The following KRTAP22-1 variants were observed in gnomAD, a reference collection of about 807,000 sequenced individuals.
KRTAP22-1 encodes keratin-associated protein 22-1.
For missense variants in KRTAP22-1, 48 were observed against 56.7 expected, an observed-to-expected ratio of 0.85 and a Z score of 0.49; for synonymous variants, 19 against 21.5, an observed-to-expected ratio of 0.88 and a Z score of 0.33.
Position 30,601,329 on chromosome 21 carries a change from T to TTATTTATAATAATGATGA in KRTAP22-1, c.*63_*64insATTTATAATAATGATGAT. 1.3e-6 allele frequency: 2 copies of TTATTTATAATAATGATGA among 1,510,500 alleles called. No homozygotes were observed. Among genetic ancestry groups the TTATTTATAATAATGATGA allele is most frequent in the Non-Finnish European group, 1.8e-6 (2 of 1,115,834 alleles). The allele number at this position is 1,510,500 out of a possible 1,614,324, so 93.6% of individuals were successfully genotyped here. On this transcript the variant is annotated 3_prime_UTR_variant, in exon 1 of 1. Coordinates refer to ENST00000334680, the MANE Select transcript of KRTAP22-1 (RefSeq NM_181620.2). Reference sequence around the variant, plus strand: ...TTATGAGCTATGTTTTCTTCCCGTGTTTTTTTCTGTTCAAAGAGTGACAAC... The same window carrying TTATTTATAATAATGATGA: ...TTATGAGCTATGTTTTCTTCCCGTGTTATTTATAATAATGATGATTTTTTCTGTTCAAAGAGTGACAAC...
At position 30,601,367 on chromosome 21, in the gene KRTAP22-1, C is replaced by G; in HGVS notation, c.*100C>G. On this transcript the variant is annotated 3_prime_UTR_variant, in exon 1 of 1. Coordinates refer to ENST00000334680, the MANE Select transcript of KRTAP22-1 (RefSeq NM_181620.2). Reference sequence around the variant, plus strand: ...AAAGAGTGACAACTAAAATTTAGCCCACATTGCCAAGTCAGAATTTATTTG... The same window carrying G: ...AAAGAGTGACAACTAAAATTTAGCCGACATTGCCAAGTCAGAATTTATTTG... 1 of 1,135,666 alleles carries G rather than the reference C, an allele frequency of 8.8e-7. No homozygotes were observed. Among genetic ancestry groups the G allele is most frequent in the East Asian group, 2.4e-5 (1 of 41,278 alleles). 70.3% of individuals were successfully genotyped at this position (1,135,666 alleles called of 1,614,324 possible). A position where few individuals can be genotyped will look rare whatever the true frequency, so the allele number is the denominator to read the frequency against.
Position 30,601,154 on chromosome 21 carries a change from G to T in KRTAP22-1, c.34G>T (p.Gly12Cys). The T allele has an allele frequency of 1.9e-6, 3 of 1,614,174 alleles. No homozygotes were observed. The highest frequency in any genetic ancestry group is 2.5e-6 in the Non-Finnish European group (3 of 1,180,016). Residue 12 changes from glycine (G) to cysteine (C), a missense_variant, in exon 1 of 1, where the codon GGC (glycine) becomes TGC (cysteine). Coordinates refer to ENST00000334680, the MANE Select transcript of KRTAP22-1 (RefSeq NM_181620.2). Reference sequence around the variant, plus strand: ...TGATAACAACTACCATGGTGGCCAGGGCTATGCCAAAGGAGGCCTGGGCTG... The same window carrying T: ...TGATAACAACTACCATGGTGGCCAGTGCTATGCCAAAGGAGGCCTGGGCTG... ...SFDNNYHGGQ[G>C]YAKGGLGCSY...
rs951059501 is a variant in KRTAP22-1, at chr21:30,601,359, A to G, written c.*92A>G. The G allele has an allele frequency of 1.6e-6, 2 of 1,212,646 alleles. No homozygotes were observed. The highest frequency in any genetic ancestry group is 2.3e-6 in the Non-Finnish European group (2 of 875,952). 75.1% of individuals were successfully genotyped at this position (1,212,646 alleles called of 1,614,324 possible). A position where few individuals can be genotyped will look rare whatever the true frequency, so the allele number is the denominator to read the frequency against. On this transcript the variant is annotated 3_prime_UTR_variant, in exon 1 of 1. Coordinates refer to ENST00000334680, the MANE Select transcript of KRTAP22-1 (RefSeq NM_181620.2). ...TTCTGTTCAAAGAGTGACAACTAAA[A>G]TTTAGCCCACATTGCCAAGTCAGAA...
rs755553687 is a variant in KRTAP22-1 at position 30,601,295 on chromosome 21, G to C, written c.*28G>C. ...AATTAGAGATTGCTGATCTGTTTAG[G>C]CCATTCTCTTATGAGCTATGTTTTC... is the stretch of plus-strand genomic sequence containing the variant. On this transcript the variant is annotated 3_prime_UTR_variant, in exon 1 of 1. Coordinates refer to ENST00000334680, the MANE Select transcript of KRTAP22-1 (RefSeq NM_181620.2). 6.5e-7 allele frequency: 1 copy of C among 1,539,888 alleles called. No individual in the cohort carries two copies. Among genetic ancestry groups the C allele is most frequent in the African/African-American group, 1.4e-5 (1 of 73,602 alleles).
chr21:30,601,370 A>G lies in KRTAP22-1; in HGVS notation c.*103A>G, dbSNP rs1601082549. 1.7e-6 allele frequency: 2 copies of G among 1,160,226 alleles called. No individual in the cohort carries two copies. The highest frequency in any genetic ancestry group is 2.4e-6 in the Non-Finnish European group (2 of 819,034). 71.9% of individuals were successfully genotyped at this position (1,160,226 alleles called of 1,614,324 possible). A position where few individuals can be genotyped will look rare whatever the true frequency, so the allele number is the denominator to read the frequency against. Reference sequence around the variant, plus strand: ...GAGTGACAACTAAAATTTAGCCCACATTGCCAAGTCAGAATTTATTTGATC... The same window carrying G: ...GAGTGACAACTAAAATTTAGCCCACGTTGCCAAGTCAGAATTTATTTGATC... On this transcript the variant is annotated 3_prime_UTR_variant, in exon 1 of 1. Coordinates refer to ENST00000334680, the MANE Select transcript of KRTAP22-1 (RefSeq NM_181620.2).
rs1476566194 is a variant in KRTAP22-1, at chr21:30,601,314, T to A, written c.*47T>A. On this transcript the variant is annotated 3_prime_UTR_variant, in exon 1 of 1. Transcript: ENST00000334680. ...GTTTAGGCCATTCTCTTATGAGCTA[T>A]GTTTTCTTCCCGTGTTTTTTTCTGT... 6.6e-7 allele frequency: 1 copy of A among 1,519,356 alleles called. No individual in the cohort carries two copies. The highest frequency in any genetic ancestry group is 1.4e-5 in the African/African-American group (1 of 72,446). 94.1% of individuals were successfully genotyped at this position (1,519,356 alleles called of 1,614,324 possible). A position where few individuals can be genotyped will look rare whatever the true frequency, so the allele number is the denominator to read the frequency against.
In KRTAP22-1 at chr21:30,601,234, T is replaced by C. The variant is rs1331743531; in HGVS notation, c.114T>C (p.Cys38=). 6.2e-7 allele frequency: 1 copy of C among 1,614,110 alleles called. No individual in the cohort carries two copies. The highest frequency in any genetic ancestry group is 1.7e-5 in the Admixed American group (1 of 60,024). The change falls in exon 1 of 1, where the codon TGT becomes TGC. Residue 38 remains cysteine, a synonymous_variant. Transcript: ENST00000334680. ...GYGYACYCPW[C]YERSWFSGCF ...GCTATGCCTGCTACTGCCCATGGTG[T>C]TATGAAAGATCTTGGTTTTCTGGCT... is the stretch of plus-strand genomic sequence containing the variant.
rs760875244 is a variant in KRTAP22-1 at position 30,601,093 on chromosome 21, T to C, written c.-28T>C. On this transcript the variant is annotated 5_prime_UTR_variant, in exon 1 of 1. Coordinates refer to ENST00000334680, the MANE Select transcript of KRTAP22-1 (RefSeq NM_181620.2). ...AAAACTCTAGAATCTGATCCTGCTATACAACTGAGCCTACCTTTCTTGAAA... is the reference window on the plus strand; with the variant it reads ...AAAACTCTAGAATCTGATCCTGCTACACAACTGAGCCTACCTTTCTTGAAA... 6.2e-7 allele frequency: 1 copy of C among 1,613,512 alleles called. No homozygotes were observed. The highest frequency in any genetic ancestry group is 1.7e-5 in the Admixed American group (1 of 60,026).
chr21:30,601,244 T>G lies in KRTAP22-1; in HGVS notation c.124T>G (p.Ser42Ala), dbSNP rs1980338398. Residue 42 changes from serine to alanine, a missense_variant, in exon 1 of 1, where the codon TCT becomes GCT. Coordinates refer to ENST00000334680, the MANE Select transcript of KRTAP22-1 (RefSeq NM_181620.2). ...ACYCPWCYER[S>A]WFSGCF ...CTACTGCCCATGGTGTTATGAAAGA[T>G]CTTGGTTTTCTGGCTGCTTCTGAGA... 1.2e-6 allele frequency: 2 copies of G among 1,613,956 alleles called. No individual in the cohort carries two copies. Among genetic ancestry groups the G allele is most frequent in the Non-Finnish European group, 1.7e-6 (2 of 1,179,946 alleles).
rs1980331709 is a variant in KRTAP22-1 at position 30,601,094 on chromosome 21, A to G, written c.-27A>G. 1 of 1,613,588 alleles carries G rather than the reference A, an allele frequency of 6.2e-7. No homozygotes were observed. Among genetic ancestry groups the G allele is most frequent in the Non-Finnish European group, 8.5e-7 (1 of 1,179,464 alleles). On this transcript the variant is annotated 5_prime_UTR_variant, in exon 1 of 1. The change creates a new upstream start codon in the 5' untranslated region. Transcript: ENST00000334680. Reference sequence around the variant, plus strand: ...AAACTCTAGAATCTGATCCTGCTATACAACTGAGCCTACCTTTCTTGAAAC... The same window carrying G: ...AAACTCTAGAATCTGATCCTGCTATGCAACTGAGCCTACCTTTCTTGAAAC...
rs1980338398 is a variant in KRTAP22-1 at position 30,601,244 on chromosome 21, T to A, written c.124T>A (p.Ser42Thr). 4 of 1,614,074 alleles carry A rather than the reference T, an allele frequency of 2.5e-6. No homozygotes were observed. Among genetic ancestry groups the A allele is most frequent in the Non-Finnish European group, 3.4e-6 (4 of 1,179,938 alleles). The change falls in exon 1 of 1, where the codon TCT becomes ACT. Residue 42 changes from serine (S) to threonine (T), a missense_variant. Ser to Thr is a moderately conservative substitution (Grantham distance 58). Coordinates refer to ENST00000334680, the MANE Select transcript of KRTAP22-1 (RefSeq NM_181620.2). Reference protein sequence around the residue: ...ACYCPWCYERSWFSGCF With the variant: ...ACYCPWCYERTWFSGCF Reference sequence around the variant, plus strand: ...CTACTGCCCATGGTGTTATGAAAGATCTTGGTTTTCTGGCTGCTTCTGAGA... The same window carrying A: ...CTACTGCCCATGGTGTTATGAAAGAACTTGGTTTTCTGGCTGCTTCTGAGA...
rs375752079 is a variant in KRTAP22-1, at chr21:30,601,298, A to C, written c.*31A>C. The C allele has an allele frequency of 2.1e-6, 3 of 1,455,756 alleles. No homozygotes were observed. The highest frequency in any genetic ancestry group is 1.2e-5 in the South Asian group (1 of 82,994). 90.2% of individuals were successfully genotyped at this position (1,455,756 alleles called of 1,614,324 possible). ...TAGAGATTGCTGATCTGTTTAGGCC[A>C]TTCTCTTATGAGCTATGTTTTCTTC... On this transcript the variant is annotated 3_prime_UTR_variant, in exon 1 of 1. Transcript: ENST00000334680.
rs1217291225 is a variant in KRTAP22-1 at position 30,601,276 on chromosome 21, A to G, written c.*9A>G. On this transcript the variant is annotated 3_prime_UTR_variant, in exon 1 of 1. Transcript: ENST00000334680. ...TTTCTGGCTGCTTCTGAGAAATTAG[A>G]GATTGCTGATCTGTTTAGGCCATTC... 6.2e-7 allele frequency: 1 copy of G among 1,613,738 alleles called. No individual in the cohort carries two copies. Among genetic ancestry groups the G allele is most frequent in the South Asian group, 1.1e-5 (1 of 91,060 alleles).
In KRTAP22-1 at chr21:30,601,106, AC is replaced by A; in HGVS notation, c.-13del. ...CTGATCCTGCTATACAACTGAGCCTACCTTTCTTGAAACCATGAGCTTTGAT... is the reference window on the plus strand; with the variant it reads ...CTGATCCTGCTATACAACTGAGCCTACTTTCTTGAAACCATGAGCTTTGAT... On this transcript the variant is annotated 5_prime_UTR_variant, in exon 1 of 1. Transcript: ENST00000334680. 1 of 1,614,028 alleles carries A rather than the reference AC, an allele frequency of 6.2e-7. No homozygotes were observed. Among genetic ancestry groups the A allele is most frequent in the Non-Finnish European group, 8.5e-7 (1 of 1,179,878 alleles).
rs944322168 is a variant in KRTAP22-1, at chr21:30,601,325, C to T, written c.*58C>T. On this transcript the variant is annotated 3_prime_UTR_variant, in exon 1 of 1. Transcript: ENST00000334680. The stretch of plus-strand genomic sequence containing the variant: ...TCTCTTATGAGCTATGTTTTCTTCC[C>T]GTGTTTTTTTCTGTTCAAAGAGTGA... 5.1e-5 allele frequency: 46 copies of T among 894,214 alleles called. No individual in the cohort carries two copies. Among genetic ancestry groups the T allele is most frequent in the East Asian group, 1.0e-4 (3 of 28,816 alleles). 55.4% of individuals were successfully genotyped at this position (894,214 alleles called of 1,614,324 possible).
Position 30,601,323 on chromosome 21 carries a change from C to G in KRTAP22-1, c.*56C>G. ...ATTCTCTTATGAGCTATGTTTTCTT[C>G]CCGTGTTTTTTTCTGTTCAAAGAGT... On this transcript the variant is annotated 3_prime_UTR_variant, in exon 1 of 1. Transcript: ENST00000334680. The G allele has an allele frequency of 1.1e-6, 1 of 920,136 alleles. No homozygotes were observed. The highest frequency in any genetic ancestry group is 1.6e-6 in the Non-Finnish European group (1 of 641,490). 57.0% of individuals were successfully genotyped at this position (920,136 alleles called of 1,614,324 possible).
At position 30,601,368 on chromosome 21, in the gene KRTAP22-1, A is replaced by G; in HGVS notation, c.*101A>G. The G allele has an allele frequency of 8.5e-7, 1 of 1,183,352 alleles. No homozygotes were observed. The allele number at this position is 1,183,352 out of a possible 1,614,324, so 73.3% of individuals were successfully genotyped here. A position where few individuals can be genotyped will look rare whatever the true frequency, so the allele number is the denominator to read the frequency against. ...AAGAGTGACAACTAAAATTTAGCCC[A>G]CATTGCCAAGTCAGAATTTATTTGA... On this transcript the variant is annotated 3_prime_UTR_variant, in exon 1 of 1. Transcript: ENST00000334680.
At position 30,601,225 on chromosome 21, in the gene KRTAP22-1, C is replaced by T. The variant is rs1188023463; in HGVS notation, c.105C>T (p.Cys35=). The change falls in exon 1 of 1, where the codon TGC becomes TGT. Residue 35 remains cysteine, a synonymous_variant. Transcript: ENST00000334680. ...GCGGCTATGGCTATGCCTGCTACTG[C>T]CCATGGTGTTATGAAAGATCTTGGT... is the stretch of plus-strand genomic sequence containing the variant. ...GLSGYGYACY[C]PWCYERSWFS... is the part of the protein sequence containing the mutation. 2 of 1,614,068 alleles carry T rather than the reference C, an allele frequency of 1.2e-6. No individual in the cohort carries two copies. The highest frequency in any genetic ancestry group is 1.7e-6 in the Non-Finnish European group (2 of 1,179,984).
In KRTAP22-1 at chr21:30,601,237, T is replaced by C. The variant is rs762768932; in HGVS notation, c.117T>C (p.Tyr39=). The C allele has an allele frequency of 3.7e-6, 6 of 1,614,132 alleles. No homozygotes were observed. The highest frequency in any genetic ancestry group is 2.7e-5 in the African/African-American group (2 of 75,042). ...YGYACYCPWC[Y]ERSWFSGCF is the part of the protein sequence containing the mutation. ...ATGCCTGCTACTGCCCATGGTGTTATGAAAGATCTTGGTTTTCTGGCTGCT... is the reference window on the plus strand; with the variant it reads ...ATGCCTGCTACTGCCCATGGTGTTACGAAAGATCTTGGTTTTCTGGCTGCT... Residue 39 remains tyrosine (Y), a synonymous_variant, in exon 1 of 1, where the codon TAT becomes TAC. Coordinates refer to ENST00000334680, the MANE Select transcript of KRTAP22-1 (RefSeq NM_181620.2).
Sources: gnomAD v4.1 joint callset for allele counts on GRCh38, gnomAD v4.1.1 for gene constraint, MANE v1.5 for transcripts, NCBI Gene and HGNC (gene_info 2026-07-23, HGNC 2026-07-21) for gene names.